PTN: variants seen among roughly 807,000 people sequenced by gnomAD.
PTN encodes the protein heparin affin regulatory protein.
In PTN, 18 loss-of-function variants were observed where a neutral mutation model predicts 24.1. The ratio of observed to expected loss-of-function variants is 0.75; its 90% confidence interval spans 0.52 to 1.11. The LOEUF (loss-of-function observed/expected upper bound fraction) is 1.11. Among genes scored for constraint, PTN ranks in the 50% least tolerant of loss-of-function variants. PTN has a pLI of 0.00. For missense variants in PTN, 163 were observed against 198.8 expected, an observed-to-expected ratio of 0.82 and a Z score of 1.08; for synonymous variants, 78 against 68.6, an observed-to-expected ratio of 1.14 and a Z score of -0.67.
At chr7:137,265,506 T>C (rs550357065) in intron 1 of PTN, among the ~76,000 whole-genome samples, 1 of 152,324 alleles carries the variant, frequency 6.6e-6, no homozygotes, top group African/African-American at 2.4e-5. Context: ...CTAAGTTTCC[T>C]CCCTGTCGTG....
intron 1 of PTN, among the ~76,000 whole-genome samples, chr7:137,311,198 C>T (rs1232235319): frequency 7.1e-6 from 1 of 139,954 alleles, no homozygotes; most frequent in African/African-American, 2.7e-5. Flanking sequence ...TGCCACCGCA[C>T]ACCAGCCTGG....
intron 1 of PTN, among the ~76,000 whole-genome samples, chr7:137,308,206 A>G (rs1192739447): frequency 1.3e-5 from 2 of 152,162 alleles, no homozygotes; most frequent in African/African-American, 2.4e-5. Context: ...TATGCCCTGA[A>G]AAGTCATGAA....
At chr7:137,316,400 C>A (rs1204988781) in intron 1 of PTN, among the ~76,000 whole-genome samples, 1 of 152,100 alleles carries the variant, frequency 6.6e-6, no homozygotes, top group Non-Finnish European at 1.5e-5. Flanking sequence ...CGTCCATATT[C>A]AGGGAACATA....
intron 1 of PTN, among the ~76,000 whole-genome samples, chr7:137,322,321 C>G (rs1011570117): frequency 1.2e-4 from 19 of 152,040 alleles, no homozygotes; most frequent in African/African-American, 4.3e-4. Flanking sequence ...ACATCTATAG[C>G]CCATTTTAAA....
intron 1 of PTN, among the ~76,000 whole-genome samples, chr7:137,301,974 TG>T (rs1809814122): frequency 1.3e-5 from 2 of 152,012 alleles, no homozygotes; most frequent in African/African-American, 4.8e-5. Flanking sequence ...TTTTTGTTAT[TG>T]TTTTTTCAAC....
intron 1 of PTN, among the ~76,000 whole-genome samples, chr7:137,278,996 G>A (rs1809421148): frequency 7.4e-6 from 1 of 135,538 alleles, no homozygotes; most frequent in Admixed American, 7.3e-5. Context: ...TAAAGAAACG[G>A]ACCAATCCAG....
At chr7:137,314,475 A>C (rs1365077061) in intron 1 of PTN, among the ~76,000 whole-genome samples, 4 of 151,902 alleles carry the variant, frequency 2.6e-5, no homozygotes, top group Non-Finnish European at 4.4e-5. Flanking sequence ...ACAATATTAG[A>C]CTCTCAGGAG....
At position 137,282,331 on chromosome 7, in the gene PTN, T is replaced by C. The variant is rs1809486813; in HGVS notation, c.-1-27357A>G. Among the ~76,000 whole-genome samples, 3 of 152,238 alleles carry C rather than the reference T, an allele frequency of 2.0e-5. No homozygotes were observed. In the South Asian group the frequency reaches 6.2e-4, roughly 31 times the overall value. On this transcript the variant is annotated intron_variant, in intron 1 of 4. Coordinates refer to ENST00000348225, the MANE Select transcript of PTN (RefSeq NM_002825.7). ...CAGTAAGGTCCTGTTTCTTAGCTAA[T>C]GTGTGTATACAATATATCCAGAGAG...
At chr7:137,313,443 T>C (rs1190882841) in intron 1 of PTN, among the ~76,000 whole-genome samples, 10 of 152,178 alleles carry the variant, frequency 6.6e-5, no homozygotes, top group Non-Finnish European at 1.5e-4. Context: ...ACTGCGGCTC[T>C]GCAGTGTGTT....
chr7:137,269,306 C>T (rs986805152), intron 1 of PTN, among the ~76,000 whole-genome samples: 1 of 152,118 alleles, frequency 6.6e-6, no homozygotes, highest in African/African-American at 2.4e-5. Flanking sequence ...ATTTTGTTCA[C>T]GCAGTTTATC....
At chr7:137,265,769 C>T (rs1315943051) in intron 1 of PTN, among the ~76,000 whole-genome samples, 5 of 152,334 alleles carry the variant, frequency 3.3e-5, no homozygotes, top group East Asian at 1.9e-4. Flanking sequence ...TTTTGTTTAA[C>T]GTGCAGATGG....
intron 1 of PTN, among the ~76,000 whole-genome samples, chr7:137,314,868 C>T (rs1810044982): frequency 6.6e-6 from 1 of 152,176 alleles, no homozygotes; most frequent in South Asian, 2.1e-4. Context: ...GCTGGGATTA[C>T]AGGTGTGAGC....
intron 1 of PTN, among the ~76,000 whole-genome samples, chr7:137,290,668 C>T (rs1809625437): frequency 1.3e-5 from 2 of 151,866 alleles, no homozygotes; most frequent in Admixed American, 1.3e-4. Flanking sequence ...GAAATAAATA[C>T]ATAGGACAAG....
chr7:137,278,035 C>T (rs972009486), intron 1 of PTN, among the ~76,000 whole-genome samples: 5 of 151,766 alleles, frequency 3.3e-5, no homozygotes, highest in African/African-American at 9.7e-5. Flanking sequence ...GGGCCGGGCG[C>T]GGTGGCTCAC....
At chr7:137,326,563 T>C (rs1562924659) in intron 1 of PTN, 1 of 152,204 alleles carries the variant, frequency 6.6e-6, no homozygotes, top group African/African-American at 2.4e-5. Flanking sequence ...AGATCTATAG[T>C]GAAGTGGGGA....
chr7:137,341,858 T>A (rs1218453196), intron 1 of PTN, among the ~76,000 whole-genome samples: 4 of 152,240 alleles, frequency 2.6e-5, no homozygotes, highest in South Asian at 4.1e-4. Context: ...GAGTTTTTTT[T>A]AAATAATATA....
intron 1 of PTN, among the ~76,000 whole-genome samples, chr7:137,329,891 C>T (rs1195691312): frequency 1.3e-5 from 2 of 152,134 alleles, no homozygotes; most frequent in Non-Finnish European, 2.9e-5. Context: ...GAAACATAGC[C>T]AGTGAAACTC....
At chr7:137,343,400 G>A (rs1390683682) in intron 1 of PTN, 39 bp downstream of exon 1, 6 of 484,588 alleles carry the variant, frequency 1.2e-5, no homozygotes, top group Middle Eastern at 3.4e-4. Flanking sequence ...AAACTCGATC[G>A]AAGAGCCCTC....
At chr7:137,291,136 G>C (rs1046264247) in intron 1 of PTN, among the ~76,000 whole-genome samples, 1 of 152,026 alleles carries the variant, frequency 6.6e-6, no homozygotes, top group Non-Finnish European at 1.5e-5. Flanking sequence ...TGTTTATTCT[G>C]TCTGTATACT....
Sources: gnomAD v4.1 joint callset for allele counts (sites outside exome capture counted in the v4.1 genomes callset) on GRCh38, gnomAD v4.1.1 for gene constraint, MANE v1.5 for transcripts, NCBI Gene and HGNC (gene_info 2026-07-23, HGNC 2026-07-21) for gene names.